Variants in ATPAF2 observed in about 807,000 individuals in gnomAD.
The protein encoded by ATPAF2 is ATP12 homolog.
A neutral mutation model predicts 36.6 loss-of-function variants in ATPAF2; 30 were observed. The ratio of observed to expected loss-of-function variants is 0.82; its 90% CI spans 0.61 to 1.11. The LOEUF (loss-of-function observed/expected upper bound fraction) is 1.11. Ranked by LOEUF, ATPAF2 falls within the 50% of genes most tolerant of loss-of-function variation. The pLI is 0.00. For missense variants in ATPAF2, 321 were observed against 372.3 expected, an observed-to-expected ratio of 0.86 and a Z score of 1.13; for synonymous variants, 140 against 152.6, an observed-to-expected ratio of 0.92 and a Z score of 0.61.
At chr17:18,030,320 CAAAAAAAAAAAAAAAA>C (rs1162130285) in intron 1 of ATPAF2, among the ~76,000 whole-genome samples, 1 of 64,112 alleles carries the variant, frequency 1.6e-5, no homozygotes, top group African/African-American at 6.4e-5. Flanking sequence ...GACTCCATCT[CAAAAAAAAAAAAAAAA>C]AAAAAAAGAA....
At chr17:18,032,085 G>A (rs1488236619) in intron 1 of ATPAF2, among the ~76,000 whole-genome samples, 2 of 152,222 alleles carry the variant, frequency 1.3e-5, no homozygotes, top group African/African-American at 4.8e-5. Context: ...AGCCAGGCCA[G>A]GCAGGAAGTT....
At chr17:18,025,539 T>C in intron 4 of ATPAF2, 1 of 154,980 alleles carries the variant, frequency 6.5e-6, no homozygotes, top group East Asian at 1.9e-4. Flanking sequence ...CTCACCCTAG[T>C]AGGGCACAGG....
chr17:18,032,341 C>T (rs2044648105), intron 1 of ATPAF2, among the ~76,000 whole-genome samples: 1 of 152,184 alleles, frequency 6.6e-6, no homozygotes, highest in Non-Finnish European at 1.5e-5. Context: ...AGTCTTTTTT[C>T]TGTTTTGTTG....
chr17:18,016,454 G>A (rs1431096860), downstream of ATPAF2: 12 of 881,074 alleles, frequency 1.4e-5, no homozygotes, highest in Non-Finnish European at 2.0e-5. Flanking sequence ...AATGAGGTTT[G>A]CAGATCTAAA....
At chr17:18,028,547 T>C (rs1399792621) in intron 2 of ATPAF2, 68 bp downstream of exon 2, 12 of 1,475,162 alleles carry the variant, frequency 8.1e-6, no homozygotes, top group East Asian at 2.5e-5. Flanking sequence ...CAGCTGAAGA[T>C]GAAAAATGTT....
intron 7 of ATPAF2, among the ~76,000 whole-genome samples, chr17:18,019,513 TGTG>T (rs962531882): frequency 2.0e-5 from 3 of 152,276 alleles, no homozygotes; most frequent in African/African-American, 7.2e-5. Context: ...CTCTGACTCT[TGTG>T]GTAGTCACAG....
intron 4 of ATPAF2, chr17:18,026,076 C>A (rs1215869861): frequency 1.7e-6 from 1 of 587,912 alleles, no homozygotes; most frequent in Admixed American, 2.7e-5. Context: ...GCATAACCAC[C>A]CTCCCAGCCT....
rs1238526355 is a variant in ATPAF2, at chr17:18,032,310, A to G, written c.134-3651T>C. On this transcript the variant is annotated intron_variant, in intron 1 of 7. Coordinates refer to ENST00000474627, the MANE Select transcript of ATPAF2 (RefSeq NM_145691.4). Reference sequence around the variant, plus strand: ...CTGAACCTTCAAAAGCTCCTGGGACAGCCAGGTTTCCCAAGAGGGAAGTCT... The same window carrying G: ...CTGAACCTTCAAAAGCTCCTGGGACGGCCAGGTTTCCCAAGAGGGAAGTCT... 3.3e-5 allele frequency among the ~76,000 whole-genome samples: 5 copies of G among 152,276 alleles called. No homozygotes were observed. The East Asian group carries it at 9.6e-4, about 29-fold the overall frequency.
At chr17:18,038,429 G>A (rs2044736899) in intron 1 of ATPAF2, among the ~76,000 whole-genome samples, 1 of 152,200 alleles carries the variant, frequency 6.6e-6, no homozygotes, top group Non-Finnish European at 1.5e-5. Flanking sequence ...AGAAGTGCCC[G>A]GGATGGAGGA....
chr17:18,018,611 TGCC>T lies in ATPAF2; in HGVS notation c.805_807del (p.Gly269del), dbSNP rs1292319926. 6.2e-7 allele frequency: 1 copy of T among 1,613,794 alleles called. No individual in the cohort carries two copies. The highest frequency in any genetic ancestry group is 1.3e-5 in the African/African-American group (1 of 74,894). Reference sequence around the variant, plus strand: ...TCGGAGCAGAGATGGATGAAGAGGGTGCCGGCGGCGGTGCGGGCCCGCAGCTCC... The same window carrying T: ...TCGGAGCAGAGATGGATGAAGAGGGTGGCGGCGGTGCGGGCCCGCAGCTCC... On this transcript the variant is annotated inframe_deletion, in exon 8 of 8. Transcript: ENST00000474627.
intron 7 of ATPAF2, chr17:18,020,677 CCT>C: frequency 5.7e-6 from 1 of 176,246 alleles, no homozygotes; most frequent in Non-Finnish European, 1.2e-5. Context: ...TATTATCTTA[CCT>C]TTTTTTTTTT....
In ATPAF2 at chr17:18,018,564, C is replaced by T. The variant is rs978059523; in HGVS notation, c.855G>A (p.Lys285=). 1 of 1,613,796 alleles carries T rather than the reference C, an allele frequency of 6.2e-7. No individual in the cohort carries two copies. Among genetic ancestry groups the T allele is most frequent in the Admixed American group, 1.7e-5 (1 of 60,028 alleles). Residue 285 remains lysine (K), a synonymous_variant, in exon 8 of 8, where the codon AAG becomes AAA. Coordinates refer to ENST00000474627, the MANE Select transcript of ATPAF2 (RefSeq NM_145691.4). ...TGCCCAGGCCTCACTCCTTCAGGAG[C>T]TTGTGCTTGACTGTGGTGCTCTCGG... is the stretch of plus-strand genomic sequence containing the variant. ...LCSESTTVKH[K]LLKE
At chr17:18,029,213 C>G (rs1407286689) in intron 1 of ATPAF2, among the ~76,000 whole-genome samples, 4 of 152,236 alleles carry the variant, frequency 2.6e-5, no homozygotes, top group Non-Finnish European at 5.9e-5. Flanking sequence ...CCAACAGGAA[C>G]TCCAAACATT....
At chr17:18,026,177 A>AGCCAAGT (rs770718169) in intron 4 of ATPAF2, 142 bp downstream of exon 4, 1 of 794,202 alleles carries the variant, frequency 1.3e-6, no homozygotes, top group Non-Finnish European at 2.2e-6. Context: ...GCTACAGAGC[A>AGCCAAGT]GCCAAGTGCC....
chr17:18,030,972 CTTTTTT>C (rs1316913316), intron 1 of ATPAF2, among the ~76,000 whole-genome samples: 1 of 88,450 alleles, frequency 1.1e-5, no homozygotes, highest in Non-Finnish European at 2.2e-5. Context: ...CGCGCCTGGC[CTTTTTT>C]TTTTTTTTTT....
At chr17:18,028,526 C>A in intron 2 of ATPAF2, 89 bp downstream of exon 2, 1 of 1,519,738 alleles carries the variant, frequency 6.6e-7, no homozygotes, top group East Asian at 2.3e-5. Context: ...AGGATAATCG[C>A]ACCATGAAAC....
At chr17:18,021,380 G>C in intron 6 of ATPAF2, 142 bp from the exon 7 acceptor site, 1 of 739,618 alleles carries the variant, frequency 1.4e-6, no homozygotes, top group South Asian at 1.5e-5. Flanking sequence ...TTCTGAAAGA[G>C]CACTCTGGTC....
At position 18,021,765 on chromosome 17, in the gene ATPAF2, T is replaced by C; in HGVS notation, c.596A>G (p.Tyr199Cys). The change falls in exon 6 of 8, where the codon TAC becomes TGC. Residue 199 changes from tyrosine (Y) to cysteine (C), a missense_variant. Tyr to Cys is a radical substitution (Grantham distance 194). Transcript: ENST00000474627. ...CATGCCTTGTAAAGCCCATGTGTTG[T>C]AAGATGCCAGGTGGCTGACGAGCAC... ...REVLVSHLASYNTWALQGIEF... is the reference protein window; with the variant it reads ...REVLVSHLASCNTWALQGIEF... 5 of 1,614,122 alleles carry C rather than the reference T, an allele frequency of 3.1e-6. No individual in the cohort carries two copies. Among genetic ancestry groups the C allele is most frequent in the Non-Finnish European group, 4.2e-6 (5 of 1,180,002 alleles).
At position 18,018,552 on chromosome 17, in the gene ATPAF2, C is replaced by T; in HGVS notation, c.867G>A (p.Glu289=). ...CTGAGTGTGCTCTGCCCAGGCCTCA[C>T]TCCTTCAGGAGCTTGTGCTTGACTG... is the stretch of plus-strand genomic sequence containing the variant. ...STTVKHKLLK[E] is the part of the protein sequence containing the mutation. Residue 289 remains glutamate, a synonymous_variant, in exon 8 of 8, where the codon GAG becomes GAA. Transcript: ENST00000474627. 3.1e-6 allele frequency: 5 copies of T among 1,613,638 alleles called. No homozygotes were observed. Among genetic ancestry groups the T allele is most frequent in the Non-Finnish European group, 4.2e-6 (5 of 1,179,994 alleles).
Sources: allele counts gnomAD v4.1 joint callset (sites outside exome capture counted in the v4.1 genomes callset), GRCh38; gene constraint gnomAD v4.1.1; transcripts MANE v1.5; gene names NCBI Gene and HGNC (gene_info 2026-07-23, HGNC 2026-07-21).